ESRP2: variants seen among roughly 807,000 people sequenced by gnomAD.
ESRP2 encodes the protein RNA binding motif protein 35A.
A neutral mutation model predicts 78.6 loss-of-function variants in ESRP2; 48 were observed. The ratio of observed to expected loss-of-function variants is 0.61; its 90% CI spans 0.48 to 0.78. ESRP2 has a LOEUF of 0.78. Ranked by LOEUF, ESRP2 falls within the 30% of genes least tolerant of loss-of-function variation. ESRP2 has a pLI of 0.00. For synonymous variants in ESRP2, 383 were observed against 406.7 expected, an observed-to-expected ratio of 0.94 and a Z score of 0.70; for missense variants, 863 against 965.9, an observed-to-expected ratio of 0.89 and a Z score of 1.41.
rs765441682 is a variant in ESRP2 at position 68,233,770 on chromosome 16, T to A, written c.554A>T (p.Gln185Leu). The change falls in exon 4 of 15, where the codon CAG becomes CTG. Residue 185 changes from glutamine (Q) to leucine (L), a missense_variant and splice_region_variant. Physicochemically the swap from Gln to Leu is moderately radical, Grantham distance 113 (BLOSUM62 -2). Coordinates refer to ENST00000473183, the MANE Select transcript of ESRP2 (RefSeq NM_024939.3). ...ARDLTVATMA[Q>L]GLGLETDATE... ...TAACCCTGCTGGGTCACAGATACCC[T>A]GTGCCATGGTGGCCACAGTGAGGTC... The A allele has an allele frequency of 2.5e-6, 4 of 1,611,644 alleles. No individual in the cohort carries two copies. The South Asian group carries it at 4.4e-5, about 18-fold the overall frequency.
At chr16:68,233,638 A>G in intron 4 of ESRP2, 130 bp downstream of exon 4, 1 of 770,120 alleles carries the variant, frequency 1.3e-6, no homozygotes, top group African/African-American at 1.7e-5. Flanking sequence ...ACGAAGACAC[A>G]GTACACTCAG....
Position 68,233,992 on chromosome 16 carries a change from A to T in ESRP2, c.441+2T>A. The T allele has an allele frequency of 6.2e-7, 1 of 1,613,694 alleles. No homozygotes were observed. Among genetic ancestry groups the T allele is most frequent in the Non-Finnish European group, 8.5e-7 (1 of 1,179,780 alleles). Reference sequence around the variant, plus strand: ...CCACCCGGTTTTCCTTCAGGAGCATACCTTCCTGGAGGCCTCGGGGTGCAG... The same window carrying T: ...CCACCCGGTTTTCCTTCAGGAGCATTCCTTCCTGGAGGCCTCGGGGTGCAG... On this transcript the variant is annotated splice_donor_variant, in intron 3 of 14. Transcript: ENST00000473183. LOFTEE classifies it high-confidence loss of function.
At position 68,231,370 on chromosome 16, in the gene ESRP2, G is replaced by C. The variant is rs1161550027; in HGVS notation, c.1519C>G (p.Pro507Ala). 1 of 1,614,122 alleles carries C rather than the reference G, an allele frequency of 6.2e-7. No individual in the cohort carries two copies. The highest frequency in any genetic ancestry group is 1.7e-4 in the Middle Eastern group (1 of 6,060). The change falls in exon 12 of 15, where the codon CCA becomes GCA. Residue 507 changes from proline to alanine, a missense_variant. Transcript: ENST00000473183. This position sits in a 1 kb window ranked among gnomAD's most constrained non-coding sequence, Gnocchi z 6.0. ...VHMVLNQQGR[P>A]SGDAFIQMTS... ...ATCTGAATGAAGGCATCGCCCGATG[G>C]CCGGCCCTGTGCACACCATCTTGTG...
Position 68,233,843 on chromosome 16 carries a change from G to C in ESRP2, c.481C>G (p.Leu161Val). Residue 161 changes from leucine to valine, a missense_variant, in exon 4 of 15, where the codon CTC becomes GTC. By Grantham distance (32) the Leu-to-Val change is conservative. Transcript: ENST00000473183. ...LPDMFFSFYD[L>V]RREFHMQHPS... ...TGCTGCATATGGAATTCTCTTCGGAGGTCATAGAAGGAGAAGAACATGTCG... is the reference window on the plus strand; with the variant it reads ...TGCTGCATATGGAATTCTCTTCGGACGTCATAGAAGGAGAAGAACATGTCG... 6.2e-7 allele frequency: 1 copy of C among 1,614,110 alleles called. No individual in the cohort carries two copies. Among genetic ancestry groups the C allele is most frequent in the Non-Finnish European group, 8.5e-7 (1 of 1,180,018 alleles).
In ESRP2 at chr16:68,230,459, A is replaced by C. The variant is rs373594090; in HGVS notation, c.1994T>G (p.Leu665Trp). The C allele has an allele frequency of 2.5e-5, 41 of 1,612,908 alleles. No individual in the cohort carries two copies. The Middle Eastern group carries it at 1.2e-3, about 45-fold the overall frequency. ...PTSVLSQSGA[L>W]VRMQGVPYTA... ...GTATGGGACACCCTGCATGCGGACC[A>C]AGGCTCCTGACTGGGACAACACTGA... The change falls in exon 14 of 15, where the codon TTG becomes TGG. Residue 665 changes from leucine (L) to tryptophan (W), a missense_variant. By Grantham distance (61) the Leu-to-Trp change is moderately conservative (BLOSUM62 -2). Coordinates refer to ENST00000473183, the MANE Select transcript of ESRP2 (RefSeq NM_024939.3).
chr16:68,235,182 T>C lies in ESRP2; in HGVS notation c.327+452A>G, dbSNP rs2042206911. The stretch of plus-strand genomic sequence containing the variant: ...CAGTTTACACCTGGCGGCGTCTACC[T>C]CTAGGGCCGACACCGCCCTACGCCT... On this transcript the variant is annotated intron_variant, in intron 2 of 14. Transcript: ENST00000473183. This position sits in a 1 kb window ranked among gnomAD's most constrained non-coding sequence, Gnocchi z 5.5. 2 of 985,096 alleles carry C rather than the reference T, an allele frequency of 2.0e-6. No individual in the cohort carries two copies. Among genetic ancestry groups the C allele is most frequent in the Admixed American group, 6.2e-5 (1 of 16,252 alleles). The allele number at this position is 985,096 out of a possible 1,614,324, so 61.0% of individuals were successfully genotyped here.
rs1567564511 is a variant in ESRP2 at position 68,232,179 on chromosome 16, A to G, written c.997+67T>C. ...ACCCATGCAGGGGAGCAGGCAGGCAAGGGGTGGTGGGGAAGTGAAATGGAT... is the reference window on the plus strand; with the variant it reads ...ACCCATGCAGGGGAGCAGGCAGGCAGGGGGTGGTGGGGAAGTGAAATGGAT... On this transcript the variant is annotated intron_variant, in intron 9 of 14. Transcript: ENST00000473183. The surrounding 1 kb of genome is among the most constrained non-coding windows in gnomAD (Gnocchi z 5.2). 4 of 1,613,402 alleles carry G rather than the reference A, an allele frequency of 2.5e-6. No individual in the cohort carries two copies. The East Asian group carries it at 8.9e-5, about 36-fold the overall frequency.
chr16:68,230,423 A>T lies in ESRP2; in HGVS notation c.2030T>A (p.Met677Lys), dbSNP rs766802916. 6.2e-7 allele frequency: 1 copy of T among 1,613,282 alleles called. No homozygotes were observed. Among genetic ancestry groups the T allele is most frequent in the African/African-American group, 1.3e-5 (1 of 74,930 alleles). The change falls in exon 14 of 15, where the codon ATG (methionine) becomes AAG (lysine). Residue 677 changes from methionine to lysine, a missense_variant. Transcript: ENST00000473183. ...CTGGAAGACGCTGAGCAGATCCTTC[A>T]TACCAGCCGTGTATGGGACACCCTG... The part of the protein sequence containing the change: ...RMQGVPYTAG[M>K]KDLLSVFQAY...
Position 68,232,881 on chromosome 16 carries a change from A to G in ESRP2, c.656-66T>C. 1 of 1,605,436 alleles carries G rather than the reference A, an allele frequency of 6.2e-7. No homozygotes were observed. The highest frequency in any genetic ancestry group is 8.5e-7 in the Non-Finnish European group (1 of 1,173,206). ...GAGGGGTGTCCCCACCAAGTTCTGCAAAAAGTGGACAATTGAGAGAGATGA... is the reference window on the plus strand; with the variant it reads ...GAGGGGTGTCCCCACCAAGTTCTGCGAAAAGTGGACAATTGAGAGAGATGA... On this transcript the variant is annotated intron_variant, in intron 5 of 14. Coordinates refer to ENST00000473183, the MANE Select transcript of ESRP2 (RefSeq NM_024939.3). The surrounding 1 kb of genome is among the most constrained non-coding windows in gnomAD (Gnocchi z 5.2).
rs750375203 is a variant in ESRP2 at position 68,231,684 on chromosome 16, C to A, written c.1310G>T (p.Arg437Leu). 17 of 1,603,674 alleles carry A rather than the reference C, an allele frequency of 1.1e-5. No individual in the cohort carries two copies. Among genetic ancestry groups the A allele is most frequent in the Non-Finnish European group, 1.4e-5 (17 of 1,172,860 alleles). The change falls in exon 11 of 15, where the codon CGC (arginine) becomes CTC (leucine). Residue 437 changes from arginine (R) to leucine (L), a missense_variant. Coordinates refer to ENST00000473183, the MANE Select transcript of ESRP2 (RefSeq NM_024939.3). This position sits in a 1 kb window ranked among gnomAD's most constrained non-coding sequence, Gnocchi z 6.0. Reference protein sequence around the residue: ...TAAEVQQVLNRYASGPLLPTL... With the variant: ...TAAEVQQVLNLYASGPLLPTL... ...AGGAAGGAGTGGGCCGGATGCATAGCGGTTCAAGACCTAGTAAGGAAGGCA... is the reference window on the plus strand; with the variant it reads ...AGGAAGGAGTGGGCCGGATGCATAGAGGTTCAAGACCTAGTAAGGAAGGCA...
In ESRP2 at chr16:68,232,335, G is replaced by T. The variant is rs1173877125; in HGVS notation, c.954+36C>A. 6.2e-7 allele frequency: 1 copy of T among 1,614,194 alleles called. No homozygotes were observed. Among genetic ancestry groups the T allele is most frequent in the Non-Finnish European group, 8.5e-7 (1 of 1,180,024 alleles). On this transcript the variant is annotated intron_variant, in intron 8 of 14. Transcript: ENST00000473183. The surrounding 1 kb of genome is among the most constrained non-coding windows in gnomAD (Gnocchi z 5.2). ...GCCCATGGGTCTCAGGCCTGACTCAGATTGGCCCTGCTCCGCTCCCAGCCC... is the reference window on the plus strand; with the variant it reads ...GCCCATGGGTCTCAGGCCTGACTCATATTGGCCCTGCTCCGCTCCCAGCCC...
In ESRP2 at chr16:68,231,233, C is replaced by T; in HGVS notation, c.1656G>A (p.Leu552=). 1 of 1,613,980 alleles carries T rather than the reference C, an allele frequency of 6.2e-7. No homozygotes were observed. Among genetic ancestry groups the T allele is most frequent in the Non-Finnish European group, 8.5e-7 (1 of 1,179,976 alleles). Residue 552 remains leucine, a synonymous_variant, in exon 12 of 15, where the codon CTG becomes CTA. Coordinates refer to ENST00000473183, the MANE Select transcript of ESRP2 (RefSeq NM_024939.3). The surrounding 1 kb of genome is among the most constrained non-coding windows in gnomAD (Gnocchi z 6.0). ...CACTGCGGCCCAAGGTGCCCCCCAT[C>T]AGCACTCGGCTCATCTCCTCTGTGG... ...PCSTEEMSRV[L]MGGTLGRSGM...
chr16:68,233,118 G>A, intron 5 of ESRP2: 1 of 605,078 alleles, frequency 1.7e-6, no homozygotes, highest in South Asian at 2.0e-5. Flanking sequence ...AGAATCGCTT[G>A]AACCCGGAAA....
rs966332166 is a variant in ESRP2, at chr16:68,235,712, A to G, written c.249T>C (p.Ser83=). 1 of 1,604,464 alleles carries G rather than the reference A, an allele frequency of 6.2e-7. No individual in the cohort carries two copies. Among genetic ancestry groups the G allele is most frequent in the Non-Finnish European group, 8.5e-7 (1 of 1,178,908 alleles). ...GGCCGCTCGCCTCGCGGCACTGCGT[A>G]CTCAGTGCGGCCGCCTCGGCACGAA... The part of the protein sequence containing the change: ...SLVRAEAAAL[S]TQCREASGLS... Residue 83 remains serine, a synonymous_variant, in exon 2 of 15, where the codon AGT becomes AGC. Coordinates refer to ENST00000473183, the MANE Select transcript of ESRP2 (RefSeq NM_024939.3). The surrounding 1 kb of genome is among the most constrained non-coding windows in gnomAD (Gnocchi z 5.5).
Position 68,231,453 on chromosome 16 carries a change from G to A in ESRP2, c.1512+29C>T, listed in dbSNP as rs1359219284. The A allele has an allele frequency of 2.5e-6, 4 of 1,613,728 alleles. No homozygotes were observed. The highest frequency in any genetic ancestry group is 1.3e-5 in the African/African-American group (1 of 74,890). ...CTAACACACACCCCTTCCTATTTATGTGTTCCCCCTACCAAGCAGTGGCTT... is the reference window on the plus strand; with the variant it reads ...CTAACACACACCCCTTCCTATTTATATGTTCCCCCTACCAAGCAGTGGCTT... On this transcript the variant is annotated intron_variant, in intron 11 of 14. Coordinates refer to ENST00000473183, the MANE Select transcript of ESRP2 (RefSeq NM_024939.3). The surrounding 1 kb of genome is among the most constrained non-coding windows in gnomAD (Gnocchi z 6.0).
In ESRP2 at chr16:68,232,631, C is replaced by T. The variant is rs1178570209; in HGVS notation, c.767G>A (p.Trp256Ter). Reference protein sequence around the residue: ...ETVVRARGLPWQSSDQDVARF... With the variant: ...ETVVRARGLP ...AGCCACGTCCTGGTCTGATGACTGC[C>T]ACGGCAACCCACGAGCCCGTACCAC... The change falls in exon 7 of 15, where the codon TGG becomes TAG. Residue 256 changes from tryptophan (W) to a stop codon, truncating the protein, a stop_gained. Coordinates refer to ENST00000473183, the MANE Select transcript of ESRP2 (RefSeq NM_024939.3). LOFTEE classifies it high-confidence loss of function. This position sits in a 1 kb window ranked among gnomAD's most constrained non-coding sequence, Gnocchi z 5.2. 6.2e-7 allele frequency: 1 copy of T among 1,614,228 alleles called. No homozygotes were observed. The highest frequency in any genetic ancestry group is 2.2e-5 in the East Asian group (1 of 44,884).
chr16:68,231,595 C>T lies in ESRP2; in HGVS notation c.1399G>A (p.Val467Ile), dbSNP rs182283545. ...GTGTAGGGCAGGCCTCGGAGGCGTACACAGTCCCTCCCAGTCCCAGGTGCC... is the reference window on the plus strand; with the variant it reads ...GTGTAGGGCAGGCCTCGGAGGCGTATACAGTCCCTCCCAGTCCCAGGTGCC... ...PLAPGTGRDCVRLRGLPYTAT... is the reference protein window; with the variant it reads ...PLAPGTGRDCIRLRGLPYTAT... Residue 467 changes from valine to isoleucine, a missense_variant, in exon 11 of 15, where the codon GTA (valine) becomes ATA (isoleucine). Physicochemically the swap from Val to Ile is conservative, Grantham distance 29. Coordinates refer to ENST00000473183, the MANE Select transcript of ESRP2 (RefSeq NM_024939.3). The surrounding 1 kb of genome is among the most constrained non-coding windows in gnomAD (Gnocchi z 6.0). The T allele has an allele frequency of 6.2e-7, 1 of 1,614,008 alleles. No homozygotes were observed. Among genetic ancestry groups the T allele is most frequent in the African/African-American group, 1.3e-5 (1 of 74,970 alleles).
At position 68,230,255 on chromosome 16, in the gene ESRP2, G is replaced by A. The variant is rs1283660560; in HGVS notation, c.2125C>T (p.Gln709Ter). ...PVGDPPRTVLQAPKEWVCL is the reference protein window; with the variant it reads ...PVGDPPRTVL Reference sequence around the variant, plus strand: ...AAACACACCCATTCCTTGGGGGCTTGTAACACAGTGCGAGGTGGGTCACCA... The same window carrying A: ...AAACACACCCATTCCTTGGGGGCTTATAACACAGTGCGAGGTGGGTCACCA... The change falls in exon 15 of 15, where the codon CAA (glutamine) becomes TAA (stop). Residue 709 changes from glutamine to a stop codon, truncating the protein, a stop_gained. Coordinates refer to ENST00000473183, the MANE Select transcript of ESRP2 (RefSeq NM_024939.3). LOFTEE classifies it high-confidence loss of function. 1.2e-6 allele frequency: 2 copies of A among 1,614,218 alleles called. No homozygotes were observed. Among genetic ancestry groups the A allele is most frequent in the Non-Finnish European group, 8.5e-7 (1 of 1,180,036 alleles).
In ESRP2 at chr16:68,235,991, G is replaced by T; in HGVS notation, c.55C>A (p.Pro19Thr). Residue 19 changes from proline to threonine, a missense_variant, in exon 1 of 15, where the codon CCC becomes ACC. Physicochemically the swap from Pro to Thr is conservative, Grantham distance 38. Transcript: ENST00000473183. This position sits in a 1 kb window ranked among gnomAD's most constrained non-coding sequence, Gnocchi z 5.5. The part of the protein sequence containing the change: ...PPPGPDPAAD[P>T]AADPCPWPGS... ...GGCCAGGGGCAGGGGTCCGCGGCGG[G>T]GTCGGCCGCGGGGTCAGGGCCCGGG... is the stretch of plus-strand genomic sequence containing the variant. The T allele has an allele frequency of 6.3e-7, 1 of 1,575,746 alleles. No homozygotes were observed. Among genetic ancestry groups the T allele is most frequent in the Non-Finnish European group, 8.6e-7 (1 of 1,163,762 alleles).
Sources: gnomAD v4.1 joint callset for allele counts on GRCh38, gnomAD v4.1.1 for gene constraint, Gnocchi (gnomAD v3.1) non-coding constraint, MANE v1.5 for transcripts, NCBI Gene and HGNC (gene_info 2026-07-23, HGNC 2026-07-21) for gene names.